Variants in DLG2 observed in about 807,000 individuals in gnomAD.
DLG2 encodes the protein disks large homolog 2.
A neutral mutation model predicts 132.5 loss-of-function variants in DLG2; 45 were observed. The observed-to-expected ratio is 0.34, with a 90% CI of 0.27 to 0.44. The LOEUF (loss-of-function observed/expected upper bound fraction) is 0.44, where lower values mean the gene tolerates loss of function less well. Among genes scored for constraint, DLG2 ranks in the 20% least tolerant of loss-of-function variants. The pLI is 1.00. For missense variants in DLG2, 1,045 were observed against 1,196.9 expected, an observed-to-expected ratio of 0.87 and a Z score of 1.87; for synonymous variants, 424 against 419.6, an observed-to-expected ratio of 1.01 and a Z score of -0.13.
At chr11:85,453,343 GA>G in intron 3 of DLG2, 1 of 236,240 alleles carries the variant, frequency 4.2e-6, no homozygotes, top group Non-Finnish European at 8.9e-6. Context: ...TAGCCCTATT[GA>G]GTCTTTTGTG....
intron 15 of DLG2, among the ~76,000 whole-genome samples, chr11:83,876,570 T>C (rs567399969): frequency 1.3e-5 from 2 of 152,260 alleles, no homozygotes; most frequent in East Asian, 3.9e-4. Flanking sequence ...CTTTCACATT[T>C]TACCGAGTTA....
chr11:84,293,528 G>T (rs2098038841), intron 7 of DLG2, among the ~76,000 whole-genome samples: 1 of 152,044 alleles, frequency 6.6e-6, no homozygotes, highest in South Asian at 2.1e-4. Context: ...ACAAAAATTA[G>T]CCGTGCATAG....
At chr11:83,480,342 AAAT>A in intron 22 of DLG2, 1 of 1,530,680 alleles carries the variant, frequency 6.5e-7, no homozygotes, top group Non-Finnish European at 8.8e-7. Context: ...ATTGCAAAGA[AAAT>A]AACCGCAAAC....
At chr11:83,882,645 C>T (rs532277986) in intron 15 of DLG2, among the ~76,000 whole-genome samples, 2 of 152,166 alleles carry the variant, frequency 1.3e-5, no homozygotes. Flanking sequence ...TATTATGCCA[C>T]TATACAATCA....
intron 4 of DLG2, among the ~76,000 whole-genome samples, chr11:85,225,690 T>A (rs1196795144): frequency 6.6e-6 from 1 of 152,086 alleles, no homozygotes; most frequent in Non-Finnish European, 1.5e-5. Context: ...CTCTGTTTAT[T>A]TTTCAACCCA....
chr11:85,029,991 T>G (rs2060873665), intron 6 of DLG2, among the ~76,000 whole-genome samples: 1 of 152,170 alleles, frequency 6.6e-6, no homozygotes, highest in Non-Finnish European at 1.5e-5. Context: ...AATCCAGTTG[T>G]TTCTGTACCT....
intron 7 of DLG2, among the ~76,000 whole-genome samples, chr11:84,525,349 C>T (rs2099317101): frequency 6.6e-6 from 1 of 152,176 alleles, no homozygotes; most frequent in Non-Finnish European, 1.5e-5. Flanking sequence ...ATCTGCTCTT[C>T]CTCTGGCATT....
chr11:84,039,309 G>A (rs1354425086), intron 11 of DLG2, among the ~76,000 whole-genome samples: 4 of 149,298 alleles, frequency 2.7e-5, no homozygotes, highest in African/African-American at 4.9e-5. Context: ...ATGTTGGTGC[G>A]CTGCACCCAC....
chr11:83,827,495 T>C (rs2053212593), intron 17 of DLG2, among the ~76,000 whole-genome samples: 1 of 152,186 alleles, frequency 6.6e-6, no homozygotes. Flanking sequence ...AGTTACCTAT[T>C]ATACCTTCAC....
intron 18 of DLG2, among the ~76,000 whole-genome samples, chr11:83,668,826 TATGTGTATATAAACACACACACAC>T (rs2076295777): frequency 7.4e-6 from 1 of 135,800 alleles, no homozygotes; most frequent in African/African-American, 2.8e-5. Context: ...TAAACATATA[TATGTGTATATAAACACACACACAC>T]ATATATATAT....
intron 17 of DLG2, among the ~76,000 whole-genome samples, chr11:83,796,312 A>T (rs541889889): frequency 1.4e-3 from 217 of 152,332 alleles, no homozygotes; most frequent in Non-Finnish European, 2.6e-3. Flanking sequence ...AACAAATGAA[A>T]AAAACCAAAA....
At position 84,612,238 on chromosome 11, in the gene DLG2, T is replaced by C. The variant is rs150964587; in HGVS notation, c.358-77507A>G. 2.8e-4 allele frequency among the ~76,000 whole-genome samples: 42 copies of C among 152,298 alleles called. No individual in the cohort carries two copies. In the East Asian group the frequency reaches 4.8e-3, roughly 17 times the overall value. ...ATACCTATTTTGAGATTGATTTCTATGTTGCATGTGTCAATAGTTTATTTC... is the reference window on the plus strand; with the variant it reads ...ATACCTATTTTGAGATTGATTTCTACGTTGCATGTGTCAATAGTTTATTTC... On this transcript the variant is annotated intron_variant, in intron 6 of 27. Coordinates refer to ENST00000376104, the MANE Select transcript of DLG2 (RefSeq NM_001142699.3).
At chr11:84,378,930 G>C (rs1194578036) in intron 7 of DLG2, among the ~76,000 whole-genome samples, 2 of 151,810 alleles carry the variant, frequency 1.3e-5, no homozygotes, top group East Asian at 3.9e-4. Flanking sequence ...TGGCAACAGA[G>C]GAAGACTCCA....
At chr11:83,628,264 C>T (rs1329287747) in intron 19 of DLG2, among the ~76,000 whole-genome samples, 2 of 152,074 alleles carry the variant, frequency 1.3e-5, no homozygotes, top group Admixed American at 6.6e-5. Flanking sequence ...ATTGCCACAA[C>T]CACTTTATGG....
intron 15 of DLG2, among the ~76,000 whole-genome samples, chr11:83,886,520 T>G: frequency 6.6e-6 from 1 of 152,130 alleles, no homozygotes; most frequent in Non-Finnish European, 1.5e-5. Flanking sequence ...CACCCCACTG[T>G]CAACAATAGA....
Position 84,119,828 on chromosome 11 carries a change from C to G in DLG2, c.625-20781G>C, listed in dbSNP as rs1206252991. 2.0e-5 allele frequency among the ~76,000 whole-genome samples: 3 copies of G among 152,182 alleles called. No individual in the cohort carries two copies. The East Asian group carries it at 5.8e-4, about 29-fold the overall frequency. On this transcript the variant is annotated intron_variant, in intron 9 of 27. Transcript: ENST00000376104. ...AGGCCCAACTTAGAAGCTAAGAAACCCTTTCTTGAAAAGCATGAGTGTGTT... is the reference window on the plus strand; with the variant it reads ...AGGCCCAACTTAGAAGCTAAGAAACGCTTTCTTGAAAAGCATGAGTGTGTT...
chr11:85,404,352 T>A (rs2088504740), intron 3 of DLG2, among the ~76,000 whole-genome samples: 1 of 151,962 alleles, frequency 6.6e-6, no homozygotes, highest in Non-Finnish European at 1.5e-5. Flanking sequence ...AAAAGAAGAT[T>A]AGCCATCAAA....
chr11:83,973,906 C>T (rs71468356), intron 12 of DLG2, among the ~76,000 whole-genome samples: 6,598 of 151,986 alleles, frequency 0.043, 197 homozygotes, highest in Non-Finnish European at 0.067. Context: ...TGTCTGAATC[C>T]AATTTCACAA....
intron 6 of DLG2, among the ~76,000 whole-genome samples, chr11:84,925,974 A>C (rs887599662): frequency 2.0e-5 from 3 of 152,162 alleles, no homozygotes; most frequent in Non-Finnish European, 4.4e-5. Context: ...ACTATATGAA[A>C]ATATAAAACT....
Sources: gnomAD v4.1 joint callset for allele counts (sites outside exome capture counted in the v4.1 genomes callset) on GRCh38, gnomAD v4.1.1 for gene constraint, MANE v1.5 for transcripts, NCBI Gene and HGNC (gene_info 2026-07-23, HGNC 2026-07-21) for gene names.